The following ZBTB8A variants were observed in gnomAD, a reference collection of about 807,000 sequenced individuals.
ZBTB8A encodes zinc finger and BTB domain containing 8A.
In ZBTB8A, 19 loss-of-function variants were observed where a neutral mutation model predicts 37.8. The observed-to-expected ratio is 0.50, with a 90% CI of 0.35 to 0.74. The LOEUF (loss-of-function observed/expected upper bound fraction) is 0.74. Ranked by LOEUF, ZBTB8A falls within the 30% of genes least tolerant of loss-of-function variation. The pLI is 0.01. For synonymous variants in ZBTB8A, 181 were observed against 185.2 expected, an observed-to-expected ratio of 0.98 and a Z score of 0.19; for missense variants, 394 against 537.8, an observed-to-expected ratio of 0.73 and a Z score of 2.65.
At chr1:32,541,828 T>A (rs1644057888) in intron 1 of ZBTB8A, among the ~76,000 whole-genome samples, 1 of 152,142 alleles carries the variant, frequency 6.6e-6, no homozygotes, top group South Asian at 2.1e-4. Flanking sequence ...CCCAATCACC[T>A]CCTAAAGATG....
chr1:32,581,748 T>C (rs1644408553), intron 2 of ZBTB8A, among the ~76,000 whole-genome samples: 1 of 152,102 alleles, frequency 6.6e-6, no homozygotes, highest in Non-Finnish European at 1.5e-5. Context: ...AGAGGTTTGA[T>C]TGACTCAGTT....
intron 2 of ZBTB8A, among the ~76,000 whole-genome samples, chr1:32,585,243 G>C (rs1349650132): frequency 6.6e-6 from 1 of 151,418 alleles, no homozygotes; most frequent in Non-Finnish European, 1.5e-5. Context: ...TGAACTCCTG[G>C]GCTCAAGCGA....
Position 32,593,565 on chromosome 1 carries a change from C to T in ZBTB8A, c.634C>T (p.His212Tyr), listed in dbSNP as rs376578430. 1.2e-5 allele frequency: 20 copies of T among 1,614,138 alleles called. No homozygotes were observed. The highest frequency in any genetic ancestry group is 1.5e-5 in the Non-Finnish European group (18 of 1,180,054). ...GAAAGAGTCCATTAAAAAGACCAAA[C>T]ATTTGAGATTGTCACAGCCTTCTGA... Reference protein sequence around the residue: ...PRKESIKKTKHLRLSQPSEVT... With the variant: ...PRKESIKKTKYLRLSQPSEVT... The change falls in exon 3 of 5, where the codon CAT (histidine) becomes TAT (tyrosine). Residue 212 changes from histidine (H) to tyrosine (Y), a missense_variant. Coordinates refer to ENST00000373510, the MANE Select transcript of ZBTB8A (RefSeq NM_001040441.3).
chr1:32,579,873 T>C (rs1644390600), intron 2 of ZBTB8A, among the ~76,000 whole-genome samples: 1 of 152,206 alleles, frequency 6.6e-6, no homozygotes, highest in African/African-American at 2.4e-5. Context: ...TTTACTTTTA[T>C]AGTTTTCTGA....
At chr1:32,549,175 C>G (rs536729395) in intron 1 of ZBTB8A, among the ~76,000 whole-genome samples, 133 of 151,620 alleles carry the variant, frequency 8.8e-4, no homozygotes, top group African/African-American at 2.8e-3. Context: ...AGGGCAGAGT[C>G]AGACTCTGTC....
At chr1:32,566,661 G>A (rs1185206751) in intron 2 of ZBTB8A, among the ~76,000 whole-genome samples, 1 of 152,156 alleles carries the variant, frequency 6.6e-6, no homozygotes, top group Non-Finnish European at 1.5e-5. Flanking sequence ...TATGACAATA[G>A]CTATTGAGCC....
At chr1:32,547,153 C>T (rs763285192) in intron 1 of ZBTB8A, among the ~76,000 whole-genome samples, 2 of 151,934 alleles carry the variant, frequency 1.3e-5, no homozygotes, top group Non-Finnish European at 2.9e-5. Flanking sequence ...ATCCTCCTGC[C>T]TGGGCCTTCC....
chr1:32,562,569 C>CTTTTT (rs751648634), intron 2 of ZBTB8A, among the ~76,000 whole-genome samples: 24 of 111,830 alleles, frequency 2.1e-4, no homozygotes, highest in Non-Finnish European at 3.4e-4. Flanking sequence ...CCGCGTCCGG[C>CTTTTT]TTTTTTTTTT....
At chr1:32,555,749 C>T (rs1644196599) in intron 2 of ZBTB8A, among the ~76,000 whole-genome samples, 1 of 152,098 alleles carries the variant, frequency 6.6e-6, no homozygotes, top group Non-Finnish European at 1.5e-5. Context: ...AACTTCAGAC[C>T]AGCATTTCTA....
At chr1:32,564,008 G>A (rs975099101) in intron 2 of ZBTB8A, among the ~76,000 whole-genome samples, 1 of 152,108 alleles carries the variant, frequency 6.6e-6, no homozygotes. Flanking sequence ...TGCCAGCAAG[G>A]TCATTTTATC....
chr1:32,594,401 C>T (rs180730847), intron 3 of ZBTB8A, among the ~76,000 whole-genome samples: 103 of 151,986 alleles, frequency 6.8e-4, no homozygotes, highest in Non-Finnish European at 1.1e-3. Flanking sequence ...CCCTGAGACA[C>T]ATATTTTCAC....
chr1:32,554,338 A>AT (rs1169201584), intron 2 of ZBTB8A, among the ~76,000 whole-genome samples: 3 of 151,228 alleles, frequency 2.0e-5, no homozygotes, highest in African/African-American at 4.9e-5. Flanking sequence ...CTGATTGCTA[A>AT]TTTTTTTTAA....
chr1:32,579,083 A>C (rs1188735757), intron 2 of ZBTB8A, among the ~76,000 whole-genome samples: 3 of 151,878 alleles, frequency 2.0e-5, no homozygotes, highest in African/African-American at 7.3e-5. Context: ...CTAAGATATT[A>C]CTCTTCCAGG....
At chr1:32,558,886 A>C (rs1644223177) in intron 2 of ZBTB8A, among the ~76,000 whole-genome samples, 1 of 152,208 alleles carries the variant, frequency 6.6e-6, no homozygotes, top group South Asian at 2.1e-4. Flanking sequence ...ACAATGTCCC[A>C]GGCGCCTGCA....
intron 1 of ZBTB8A, among the ~76,000 whole-genome samples, chr1:32,549,936 G>A (rs947445239): frequency 2.0e-5 from 3 of 152,168 alleles, no homozygotes; most frequent in African/African-American, 7.2e-5. Flanking sequence ...AAGAAAGATG[G>A]TTCCCACCTC....
At chr1:32,549,012 GA>G (rs1267654412) in intron 1 of ZBTB8A, among the ~76,000 whole-genome samples, 1 of 151,810 alleles carries the variant, frequency 6.6e-6, no homozygotes, top group Non-Finnish European at 1.5e-5. Flanking sequence ...CCAATATGGT[GA>G]AACTTCATCT....
Position 32,593,766 on chromosome 1 carries a change from G to C in ZBTB8A, c.823+12G>C, listed in dbSNP as rs762964887. 1.9e-6 allele frequency: 3 copies of C among 1,596,274 alleles called. No individual in the cohort carries two copies. The highest frequency in any genetic ancestry group is 2.6e-6 in the Non-Finnish European group (3 of 1,170,840). On this transcript the variant is annotated intron_variant, in intron 3 of 4. Coordinates refer to ENST00000373510, the MANE Select transcript of ZBTB8A (RefSeq NM_001040441.3). The stretch of plus-strand genomic sequence containing the variant: ...CAAAAGCTTTCCAGGTACCCAAAAA[G>C]AGCATAAGTCCCCTCATCCAGGTTC...
intron 2 of ZBTB8A, among the ~76,000 whole-genome samples, chr1:32,557,175 G>T (rs943810634): frequency 6.6e-6 from 1 of 151,058 alleles, no homozygotes; most frequent in Admixed American, 6.6e-5. Context: ...GATGGTGTGC[G>T]CCTGTAGTCC....
intron 3 of ZBTB8A, among the ~76,000 whole-genome samples, chr1:32,594,759 CTA>C (rs1644516585): frequency 4.8e-5 from 7 of 146,576 alleles, no homozygotes; most frequent in Admixed American, 2.1e-4. Context: ...GAGCGAAACT[CTA>C]TCTCAAAAAA....
Sources: allele counts gnomAD v4.1 joint callset (sites outside exome capture counted in the v4.1 genomes callset), GRCh38; gene constraint gnomAD v4.1.1; transcripts MANE v1.5; gene names NCBI Gene and HGNC (gene_info 2026-07-23, HGNC 2026-07-21).